OVOL3: variants seen among roughly 807,000 people sequenced by gnomAD.
OVOL3 encodes putative transcription factor ovo-like protein 3.
A neutral mutation model predicts 13.6 loss-of-function variants in OVOL3; 15 were observed. The observed-to-expected ratio is 1.11, with a 90% CI of 0.74 to 1.70. The LOEUF (loss-of-function observed/expected upper bound fraction) is 1.70. Ranked by LOEUF, OVOL3 falls within the 40% of genes most tolerant of loss-of-function variation. The pLI is 0.00. For missense variants in OVOL3, 290 were observed against 280.6 expected, an observed-to-expected ratio of 1.03 and a Z score of -0.24; for synonymous variants, 102 against 108.5, an observed-to-expected ratio of 0.94 and a Z score of 0.37.
chr19:36,112,305 A>C (rs1973840580), intron 2 of OVOL3, among the ~76,000 whole-genome samples: 3 of 152,172 alleles, frequency 2.0e-5, no homozygotes, highest in Admixed American at 6.5e-5. Flanking sequence ...GGATTGCTTG[A>C]GGTCAGGAAT....
chr19:36,111,629 C>T (rs757464025), intron 2 of OVOL3, 196 bp downstream of exon 2: 2 of 707,050 alleles, frequency 2.8e-6, no homozygotes, highest in South Asian at 3.0e-5. Flanking sequence ...AGGTCTCACC[C>T]CAGGCACCAG....
chr19:36,113,003 C>T, intron 3 of OVOL3, 39 bp downstream of exon 3: 1 of 1,523,600 alleles, frequency 6.6e-7, no homozygotes, highest in Non-Finnish European at 8.8e-7. Context: ...TGCTGGGCCC[C>T]AGGTGGGGAT....
chr19:36,112,964 G>A lies in OVOL3; in HGVS notation c.364G>A (p.Gly122Arg). Residue 122 changes from glycine to arginine, a missense_variant and splice_region_variant, in exon 3 of 4, where the codon GGG (glycine) becomes AGG (arginine). Gly to Arg is a moderately radical substitution (Grantham distance 125). Transcript: ENST00000633214. ...CAAGCGCCACATGAGGACTCACACT[G>A]GTGAGCAGTGGCAGGGACAGGGAAA... ...DLKRHMRTHT[G>R]IRPFRCSACG... 6.5e-7 allele frequency: 1 copy of A among 1,535,526 alleles called. No homozygotes were observed. Among genetic ancestry groups the A allele is most frequent in the South Asian group, 1.2e-5 (1 of 84,016 alleles).
rs1326494574 is a variant in OVOL3 at position 36,112,930 on chromosome 19, C to T, written c.330C>T (p.Ala110=). ...CRCCGKGFHD[A]FDLKRHMRTH... ...GTTGTGGCAAGGGCTTTCATGACGC[C>T]TTCGATCTCAAGCGCCACATGAGGA... The change falls in exon 3 of 4, where the codon GCC becomes GCT. Residue 110 remains alanine, a synonymous_variant. Transcript: ENST00000633214. 1.1e-5 allele frequency: 17 copies of T among 1,536,220 alleles called. No homozygotes were observed. In the African/African-American group the frequency reaches 1.4e-4, roughly 12 times the overall value.
intron 3 of OVOL3, among the ~76,000 whole-genome samples, 161 bp downstream of exon 3, chr19:36,113,125 G>A (rs1973865181): frequency 6.6e-6 from 1 of 152,192 alleles, no homozygotes; most frequent in South Asian, 2.1e-4. Context: ...GGTGTAAGGT[G>A]GCACCAAAAT....
chr19:36,111,285 C>T lies in OVOL3; in HGVS notation c.83C>T (p.Ala28Val). 1 of 1,536,004 alleles carries T rather than the reference C, an allele frequency of 6.5e-7. No homozygotes were observed. Among genetic ancestry groups the T allele is most frequent in the East Asian group, 2.4e-5 (1 of 40,894 alleles). Residue 28 changes from alanine (A) to valine (V), a missense_variant, in exon 1 of 4, where the codon GCC becomes GTC. Transcript: ENST00000633214. ...GHLPDQLRGD[A>V]YIPDCSSLGG... The stretch of plus-strand genomic sequence containing the variant: ...CTGCCTGACCAGCTCCGGGGAGATG[C>T]CTATATCCCAGGTGGGCCCCTCACT...
chr19:36,111,644 G>C (rs139571767), intron 2 of OVOL3: 4 of 689,514 alleles, frequency 5.8e-6, no homozygotes, highest in Non-Finnish European at 1.1e-5. Context: ...CACCAGGGCC[G>C]GCAGCCACAG....
chr19:36,112,584 T>C (rs997256304), intron 2 of OVOL3, among the ~76,000 whole-genome samples, 176 bp from the exon 3 acceptor site: 1 of 151,820 alleles, frequency 6.6e-6, no homozygotes, highest in Non-Finnish European at 1.5e-5. Context: ...GTAAGGACCA[T>C]GGGATAGTGA....
chr19:36,112,847 C>A lies in OVOL3; in HGVS notation c.247C>A (p.Arg83Ser). ...CTGCCCTAAGGCCTTCCCTCTGCAG[C>A]GCATGCTGACAAGGCACCTCAAGTG... The part of the protein sequence containing the change: ...PLCPKAFPLQ[R>S]MLTRHLKCHS... The change falls in exon 3 of 4, where the codon CGC (arginine) becomes AGC (serine). Residue 83 changes from arginine to serine, a missense_variant. Coordinates refer to ENST00000633214, the MANE Select transcript of OVOL3 (RefSeq NM_001302757.2). The A allele has an allele frequency of 6.5e-7, 1 of 1,536,062 alleles. No homozygotes were observed. Among genetic ancestry groups the A allele is most frequent in the Non-Finnish European group, 8.7e-7 (1 of 1,146,908 alleles).
In OVOL3 at chr19:36,112,952, A is replaced by G. The variant is rs1455819014; in HGVS notation, c.352A>G (p.Arg118Gly). Reference protein sequence around the residue: ...HDAFDLKRHMRTHTGIRPFRC... With the variant: ...HDAFDLKRHMGTHTGIRPFRC... Reference sequence around the variant, plus strand: ...CGCCTTCGATCTCAAGCGCCACATGAGGACTCACACTGGTGAGCAGTGGCA... The same window carrying G: ...CGCCTTCGATCTCAAGCGCCACATGGGGACTCACACTGGTGAGCAGTGGCA... The change falls in exon 3 of 4, where the codon AGG becomes GGG. Residue 118 changes from arginine (R) to glycine (G), a missense_variant. Arg to Gly is a moderately radical substitution (Grantham distance 125). Coordinates refer to ENST00000633214, the MANE Select transcript of OVOL3 (RefSeq NM_001302757.2). The G allele has an allele frequency of 2.0e-6, 3 of 1,536,368 alleles. No individual in the cohort carries two copies. In the Admixed American group the frequency reaches 5.9e-5, roughly 30 times the overall value.
Position 36,111,178 on chromosome 19 carries a change from G to A in OVOL3, c.-25G>A, listed in dbSNP as rs1420679675. On this transcript the variant is annotated 5_prime_UTR_variant, in exon 1 of 4. The change creates a new upstream start codon in the 5' untranslated region. Coordinates refer to ENST00000633214, the MANE Select transcript of OVOL3 (RefSeq NM_001302757.2). ...CTGACAGCAGGTGGAAGCAGCCCCT[G>A]TGTGTGGAGAGCCTTCCGGAGGGCA... The A allele has an allele frequency of 2.6e-6, 4 of 1,515,666 alleles. No homozygotes were observed. Among genetic ancestry groups the A allele is most frequent in the Non-Finnish European group, 3.5e-6 (4 of 1,132,944 alleles). 93.9% of individuals were successfully genotyped at this position (1,515,666 alleles called of 1,614,324 possible).
chr19:36,113,424 AG>A (rs1471770520), intron 3 of OVOL3, 28 bp from the exon 4 acceptor site: 1 of 1,521,716 alleles, frequency 6.6e-7, no homozygotes. Context: ...CTCTCTGTCC[AG>A]CCCTCCCCTC....
intron 3 of OVOL3, 110 bp downstream of exon 3, chr19:36,113,074 T>C: frequency 2.5e-6 from 3 of 1,206,830 alleles, no homozygotes; most frequent in Admixed American, 2.2e-5. Flanking sequence ...ATGTGGGGTA[T>C]GGAGAATCAA....
chr19:36,112,347 C>A (rs1282799486), intron 2 of OVOL3, among the ~76,000 whole-genome samples: 1 of 152,092 alleles, frequency 6.6e-6, no homozygotes, highest in Non-Finnish European at 1.5e-5. Flanking sequence ...TGGTGAAACC[C>A]CATCTCTACA....
At chr19:36,111,916 T>C in intron 2 of OVOL3, 1 of 447,976 alleles carries the variant, frequency 2.2e-6, no homozygotes, top group Non-Finnish European at 4.5e-6. Context: ...TGGGGCTGCA[T>C]GTATAGACAA....
chr19:36,111,501 G>A, intron 2 of OVOL3, 68 bp downstream of exon 2: 5 of 1,486,338 alleles, frequency 3.4e-6, no homozygotes, highest in Non-Finnish European at 4.5e-6. Context: ...TAATGAAGCT[G>A]ACAGCCCCTT....
intron 2 of OVOL3, 125 bp downstream of exon 2, chr19:36,111,558 C>T (rs1331180789): frequency 5.4e-6 from 5 of 934,196 alleles, no homozygotes; most frequent in East Asian, 5.2e-5. Flanking sequence ...GGGACCTGTC[C>T]GCCCCTACTT....
intron 2 of OVOL3, among the ~76,000 whole-genome samples, chr19:36,112,503 G>C (rs1973846534): frequency 1.4e-5 from 2 of 148,008 alleles, no homozygotes; most frequent in South Asian, 2.2e-4. Flanking sequence ...CTGGGCGACA[G>C]AGCAAGACTC....
chr19:36,111,478 C>T, intron 2 of OVOL3, 45 bp downstream of exon 2: 1 of 1,523,566 alleles, frequency 6.6e-7, no homozygotes, highest in Non-Finnish European at 8.8e-7. Flanking sequence ...TCGCTCCTGC[C>T]TGCTCTCAGC....
Sources: gnomAD v4.1 joint callset for allele counts (sites outside exome capture counted in the v4.1 genomes callset) on GRCh38, gnomAD v4.1.1 for gene constraint, MANE v1.5 for transcripts, NCBI Gene and HGNC (gene_info 2026-07-23, HGNC 2026-07-21) for gene names.